SLCO1A2: variants seen among roughly 807,000 people sequenced by gnomAD.
SLCO1A2 encodes solute carrier organic anion transporter family member 1A2.
A neutral mutation model predicts 69.0 loss-of-function variants in SLCO1A2; 67 were observed. That is an observed-to-expected ratio of 0.97 (90% CI 0.80 to 1.19). The LOEUF is 1.19. Among genes scored for constraint, SLCO1A2 ranks in the 50% most tolerant of loss-of-function variants. SLCO1A2 has a pLI of 0.00. For missense variants in SLCO1A2, 787 were observed against 793.7 expected, an observed-to-expected ratio of 0.99 and a Z score of 0.10; for synonymous variants, 260 against 265.9, an observed-to-expected ratio of 0.98 and a Z score of 0.22.
At chr12:21,348,758 T>C (rs959723620) in intron 2 of SLCO1A2, among the ~76,000 whole-genome samples, 1 of 152,192 alleles carries the variant, frequency 6.6e-6, no homozygotes, top group Non-Finnish European at 1.5e-5. Context: ...TTCAGCCATT[T>C]GTTATTAATA....
chr12:21,392,319 G>A (rs1941199983), intron 1 of SLCO1A2, among the ~76,000 whole-genome samples: 1 of 152,074 alleles, frequency 6.6e-6, no homozygotes, highest in South Asian at 2.1e-4. Context: ...CCCATCGCTG[G>A]CTGGGGTGAA....
At chr12:21,358,237 A>G (rs1307164179) in intron 2 of SLCO1A2, among the ~76,000 whole-genome samples, 1 of 152,236 alleles carries the variant, frequency 6.6e-6, no homozygotes, top group Non-Finnish European at 1.5e-5. Context: ...CAAAGAGATG[A>G]AAGTATGCTG....
At chr12:21,330,014 G>T (rs972785795) in intron 2 of SLCO1A2, among the ~76,000 whole-genome samples, 1 of 151,960 alleles carries the variant, frequency 6.6e-6, no homozygotes, top group Non-Finnish European at 1.5e-5. Flanking sequence ...GCTTCCTTCA[G>T]TCTGAAAAGC....
intron 2 of SLCO1A2, chr12:21,373,781 A>C: frequency 1.5e-6 from 1 of 672,520 alleles, no homozygotes; most frequent in East Asian, 2.7e-5. Flanking sequence ...AACCAGAGAA[A>C]CTTAACTAAA....
At chr12:21,396,857 G>GGA (rs1941483750), upstream of SLCO1A2, among the ~76,000 whole-genome samples, 1 of 151,618 alleles carries the variant, frequency 6.6e-6, no homozygotes, top group Non-Finnish European at 1.5e-5. Flanking sequence ...TGCCTTACAA[G>GGA]AGCTCCTGAA....
intron 6 of SLCO1A2, among the ~76,000 whole-genome samples, chr12:21,303,582 A>G (rs1054633833): frequency 3.3e-5 from 5 of 152,298 alleles, no homozygotes; most frequent in South Asian, 4.1e-4. Context: ...CCCTATACTA[A>G]ACGTTATGAG....
intron 12 of SLCO1A2, among the ~76,000 whole-genome samples, chr12:21,277,742 A>G (rs1394996833): frequency 2.6e-5 from 4 of 152,152 alleles, no homozygotes; most frequent in African/African-American, 9.7e-5. Context: ...GATCCCTCAC[A>G]TGTGCAGTTC....
chr12:21,370,179 C>T (rs1307407368), intron 2 of SLCO1A2, among the ~76,000 whole-genome samples: 1 of 152,092 alleles, frequency 6.6e-6, no homozygotes, highest in African/African-American at 2.4e-5. Flanking sequence ...AAGCAAGTCA[C>T]TTATATTCTT....
At position 21,267,213 on chromosome 12, in the gene SLCO1A2, C is replaced by T. The variant is rs2136015527; in HGVS notation, c.*2335G>A. 6.6e-6 allele frequency: 1 copy of T among 152,186 alleles called. No homozygotes were observed. Among genetic ancestry groups the T allele is most frequent in the South Asian group, 2.1e-4 (1 of 4,804 alleles). 9.4% of individuals were successfully genotyped at this position (152,186 alleles called of 1,614,324 possible). ...CTATGTTTTCAGAGTAAAATGCCAT[C>T]TCCTCCATGAGGGGATAAAAGTGAT... is the stretch of plus-strand genomic sequence containing the variant. On this transcript the variant is annotated 3_prime_UTR_variant, in exon 15 of 15. Coordinates refer to ENST00000683939, the MANE Select transcript of SLCO1A2 (RefSeq NM_001386879.1).
intron 1 of SLCO1A2, among the ~76,000 whole-genome samples, chr12:21,404,112 G>T (rs772010252): frequency 4.2e-4 from 64 of 152,128 alleles, no homozygotes; most frequent in Non-Finnish European, 7.6e-4. Context: ...ACAGATTATT[G>T]TATCAGTAAC....
intron 1 of SLCO1A2, chr12:21,376,308 A>C (rs1290752982): frequency 2.8e-6 from 1 of 351,984 alleles, no homozygotes; most frequent in East Asian, 9.0e-5. Flanking sequence ...ATTTTCCTTT[A>C]TTACTTTTTT....
intron 10 of SLCO1A2, chr12:21,295,011 A>G (rs1047267772): frequency 3.9e-5 from 6 of 152,114 alleles, no homozygotes; most frequent in African/African-American, 1.4e-4. Flanking sequence ...CCTACAGGTG[A>G]ATTCTTTTAA....
chr12:21,298,495 C>T (rs942214909), intron 8 of SLCO1A2, among the ~76,000 whole-genome samples: 87 of 152,138 alleles, frequency 5.7e-4, no homozygotes, highest in African/African-American at 1.8e-3. Flanking sequence ...GCTTAATAAA[C>T]TGCTCACAAT....
At chr12:21,274,400 G>T in intron 14 of SLCO1A2, 69 bp downstream of exon 14, 2 of 950,828 alleles carry the variant, frequency 2.1e-6, no homozygotes, top group Non-Finnish European at 3.3e-6. Context: ...AAAAAGTTAC[G>T]TGTGAATGGT....
chr12:21,305,199 C>T (rs186334472), intron 5 of SLCO1A2, among the ~76,000 whole-genome samples: 2 of 152,240 alleles, frequency 1.3e-5, no homozygotes, highest in South Asian at 2.1e-4. Context: ...TCCTTGGAGC[C>T]GCAGCTGCTT....
intron 2 of SLCO1A2, among the ~76,000 whole-genome samples, chr12:21,368,981 TA>T (rs774994962): frequency 6.1e-4 from 93 of 152,058 alleles, no homozygotes; most frequent in Non-Finnish European, 1.0e-3. Flanking sequence ...ACAGCTAAAA[TA>T]AAGAAATGTA....
upstream of SLCO1A2, among the ~76,000 whole-genome samples, chr12:21,339,522 C>A (rs1260378567): frequency 6.6e-6 from 1 of 151,828 alleles, no homozygotes; most frequent in Non-Finnish European, 1.5e-5. Flanking sequence ...CAGTCTCTAT[C>A]TTTGTCAAGG....
intron 2 of SLCO1A2, among the ~76,000 whole-genome samples, chr12:21,332,101 G>A (rs1952654234): frequency 6.6e-6 from 1 of 152,108 alleles, no homozygotes; most frequent in Non-Finnish European, 1.5e-5. Flanking sequence ...TTTTGCCAAA[G>A]TTAAGGCATG....
chr12:21,419,395 T>G (rs1038405730), upstream of SLCO1A2: 1 of 153,268 alleles, frequency 6.5e-6, no homozygotes, highest in African/African-American at 2.4e-5. Flanking sequence ...GGCGAGGCAT[T>G]GCCTCACTTG....
Sources: allele counts gnomAD v4.1 joint callset (sites outside exome capture counted in the v4.1 genomes callset), GRCh38; gene constraint gnomAD v4.1.1; transcripts MANE v1.5; gene names NCBI Gene and HGNC (gene_info 2026-07-23, HGNC 2026-07-21).